The following SOCS5 variants were observed in gnomAD, a reference collection of about 807,000 sequenced individuals.
The protein encoded by SOCS5 is CIS-6.
In SOCS5, 32 loss-of-function variants were observed where a neutral mutation model predicts 42.8. That is an observed-to-expected ratio of 0.75 (90% CI 0.56 to 1.01). SOCS5 has a LOEUF of 1.01. Ranked by LOEUF, SOCS5 falls within the 50% of genes least tolerant of loss-of-function variation. SOCS5 has a pLI of 0.00. For synonymous variants in SOCS5, 283 were observed against 229.6 expected (o/e 1.23, Z -2.10); for missense variants, 627 against 653.0 (o/e 0.96, Z 0.43).
intron 1 of SOCS5, among the ~76,000 whole-genome samples, chr2:46,715,465 A>C (rs577552550): frequency 1.9e-4 from 29 of 152,056 alleles, no homozygotes; most frequent in Non-Finnish European, 2.8e-4. Flanking sequence ...GTATCCATCC[A>C]AGTTTGTGTC....
chr2:46,753,024 A>G (rs570143227), intron 1 of SOCS5, among the ~76,000 whole-genome samples: 29 of 152,266 alleles, frequency 1.9e-4, no homozygotes, highest in African/African-American at 6.7e-4. Flanking sequence ...TCAGTGCCAT[A>G]TCAGCATCCA....
rs1268279932 is a variant in SOCS5 at position 46,761,385 on chromosome 2, T to G, written c.*1244T>G. ...TAAAGTAGCCGAATCCACTCTCATG[T>G]CTTTTCGTTAATGTGCTCTGTACCA... On this transcript the variant is annotated 3_prime_UTR_variant, in exon 2 of 2. Coordinates refer to ENST00000394861, the MANE Select transcript of SOCS5 (RefSeq NM_144949.3). 6.0e-6 allele frequency: 1 copy of G among 167,120 alleles called. No individual in the cohort carries two copies. The highest frequency in any genetic ancestry group is 1.5e-5 in the Non-Finnish European group (1 of 68,116). 10.4% of individuals were successfully genotyped at this position (167,120 alleles called of 1,614,324 possible). A position where few individuals can be genotyped will look rare whatever the true frequency, so the allele number is the denominator to read the frequency against.
chr2:46,736,428 A>C (rs1673247842), intron 1 of SOCS5, among the ~76,000 whole-genome samples: 1 of 152,138 alleles, frequency 6.6e-6, no homozygotes, highest in African/African-American at 2.4e-5. Context: ...CTATCTGCAG[A>C]ACTTTTTCAT....
intron 1 of SOCS5, among the ~76,000 whole-genome samples, chr2:46,720,092 T>C (rs529996544): frequency 6.6e-6 from 1 of 152,190 alleles, no homozygotes; most frequent in South Asian, 2.1e-4. Context: ...GAAGTCTTAT[T>C]ATTTAACCTG....
At chr2:46,704,546 A>G (rs557371020) in intron 1 of SOCS5, among the ~76,000 whole-genome samples, 2 of 152,296 alleles carry the variant, frequency 1.3e-5, no homozygotes, top group South Asian at 2.1e-4. Flanking sequence ...TAAATCCTGA[A>G]TACCACAGGT....
chr2:46,738,067 A>G (rs1673292547), intron 1 of SOCS5, among the ~76,000 whole-genome samples: 1 of 152,180 alleles, frequency 6.6e-6, no homozygotes, highest in Non-Finnish European at 1.5e-5. Flanking sequence ...TTTGAACTTG[A>G]TGTAGATGTT....
rs1184394708 is a variant in SOCS5 at position 46,761,437 on chromosome 2, C to T, written c.*1296C>T. 1 of 167,074 alleles carries T rather than the reference C, an allele frequency of 6.0e-6. No individual in the cohort carries two copies. Among genetic ancestry groups the T allele is most frequent in the Non-Finnish European group, 1.5e-5 (1 of 68,106 alleles). The allele number at this position is 167,074 out of a possible 1,614,324, so 10.3% of individuals were successfully genotyped here. A position where few individuals can be genotyped will look rare whatever the true frequency, so the allele number is the denominator to read the frequency against. ...TGGTGAGTGCTCCATAGTTTCCTTA[C>T]CTGCTGCTACAGAATGTTATTTTAC... On this transcript the variant is annotated 3_prime_UTR_variant, in exon 2 of 2. Coordinates refer to ENST00000394861, the MANE Select transcript of SOCS5 (RefSeq NM_144949.3).
chr2:46,758,259 C>G (rs1428642531), intron 1 of SOCS5, among the ~76,000 whole-genome samples: 1 of 152,182 alleles, frequency 6.6e-6, no homozygotes, highest in Admixed American at 6.5e-5. Flanking sequence ...TATTTTCTTT[C>G]ACCTGAGTTC....
chr2:46,724,522 A>G (rs1672951804), intron 1 of SOCS5, among the ~76,000 whole-genome samples: 11 of 152,032 alleles, frequency 7.2e-5, no homozygotes, highest in Admixed American at 7.2e-4. Context: ...TTAATGCCAT[A>G]CATTTTCCTC....
chr2:46,706,337 C>G (rs751705048), intron 1 of SOCS5, among the ~76,000 whole-genome samples: 22 of 152,198 alleles, frequency 1.4e-4, no homozygotes, highest in Admixed American at 3.3e-4. Flanking sequence ...TAATCCTAGA[C>G]ATTTCCCAGG....
intron 1 of SOCS5, among the ~76,000 whole-genome samples, chr2:46,745,561 G>A (rs1429082562): frequency 2.0e-5 from 3 of 152,232 alleles, no homozygotes; most frequent in Admixed American, 6.5e-5. Flanking sequence ...TGCTATGTTA[G>A]ACCTTAAATA....
intron 1 of SOCS5, among the ~76,000 whole-genome samples, chr2:46,718,673 C>T (rs1008566704): frequency 2.6e-5 from 4 of 152,154 alleles, no homozygotes; most frequent in African/African-American, 9.7e-5. Context: ...TGCTCAACCA[C>T]AGATAAATAT....
chr2:46,744,757 A>C (rs1673461602), intron 1 of SOCS5, among the ~76,000 whole-genome samples: 1 of 151,386 alleles, frequency 6.6e-6, no homozygotes, highest in Admixed American at 6.6e-5. Context: ...CAAACTCCTG[A>C]CCTCCGGTGA....
chr2:46,715,299 G>C (rs1672712827), intron 1 of SOCS5, among the ~76,000 whole-genome samples: 1 of 151,404 alleles, frequency 6.6e-6, no homozygotes, highest in South Asian at 2.1e-4. Flanking sequence ...TTGAGCCTGG[G>C]CTGTCGAGGC....
intron 1 of SOCS5, among the ~76,000 whole-genome samples, chr2:46,707,897 G>T (rs1474808365): frequency 6.6e-6 from 1 of 152,174 alleles, no homozygotes. Context: ...CCTTAAATGT[G>T]CTCAGAGCAC....
At chr2:46,703,032 G>A (rs1204129866) in intron 1 of SOCS5, among the ~76,000 whole-genome samples, 4 of 152,076 alleles carry the variant, frequency 2.6e-5, no homozygotes, top group African/African-American at 9.7e-5. Context: ...TATCTGTCAT[G>A]CAAGAGCTCT....
chr2:46,748,189 C>CTTTTTTTTTTTT (rs35861326), intron 1 of SOCS5, among the ~76,000 whole-genome samples: 1 of 138,788 alleles, frequency 7.2e-6, no homozygotes, highest in Non-Finnish European at 1.6e-5. Flanking sequence ...TTTTCTTTTT[C>CTTTTTTTTTTTT]TTTTTTTTTT....
intron 1 of SOCS5, among the ~76,000 whole-genome samples, chr2:46,755,169 CTGTTA>C (rs780653441): frequency 7.2e-5 from 11 of 152,116 alleles, no homozygotes; most frequent in South Asian, 2.1e-4. Context: ...AAGAATATAA[CTGTTA>C]TGTTATAACT....
intron 1 of SOCS5, among the ~76,000 whole-genome samples, chr2:46,748,676 G>A (rs1231661249): frequency 6.6e-6 from 1 of 152,094 alleles, no homozygotes; most frequent in Non-Finnish European, 1.5e-5. Context: ...TTAAAGATTA[G>A]TAAATGTATT....
Sources: allele counts gnomAD v4.1 joint callset (sites outside exome capture counted in the v4.1 genomes callset), GRCh38; gene constraint gnomAD v4.1.1; transcripts MANE v1.5; gene names NCBI Gene and HGNC (gene_info 2026-07-23, HGNC 2026-07-21).